The following ELMO2 variants were observed in gnomAD, a reference collection of about 807,000 sequenced individuals.
ELMO2 encodes the protein engulfment and cell motility protein 2.
ELMO2 carries 37 observed loss-of-function variants against 96.2 expected under a neutral mutation model. The ratio of observed to expected loss-of-function variants is 0.38; its 90% CI spans 0.30 to 0.51. The LOEUF (loss-of-function observed/expected upper bound fraction) is 0.51. ELMO2 is among the 20% of genes least tolerant of loss of function. The probability of loss-of-function intolerance (pLI) is 0.88; values close to 1 mark genes in which losing one functional copy is unlikely to be tolerated. For synonymous variants in ELMO2, 315 were observed against 329.4 expected (o/e 0.96, Z 0.47); for missense variants, 561 against 912.6 (o/e 0.61, Z 4.96).
At chr20:46,395,551 C>T (rs528595145) in intron 2 of ELMO2, among the ~76,000 whole-genome samples, 5 of 152,316 alleles carry the variant, frequency 3.3e-5, no homozygotes, top group African/African-American at 1.2e-4. Flanking sequence ...CCTCTCCTGG[C>T]GTACAAAGCA....
intron 1 of ELMO2, among the ~76,000 whole-genome samples, chr20:46,399,522 A>G (rs541587331): frequency 6.6e-6 from 1 of 152,268 alleles, no homozygotes; most frequent in East Asian, 1.9e-4. Flanking sequence ...TCCCTGGCAA[A>G]AGTAAATAGG....
intron 7 of ELMO2, among the ~76,000 whole-genome samples, chr20:46,388,440 G>A (rs147901761): frequency 5.9e-5 from 9 of 152,212 alleles, no homozygotes; most frequent in African/African-American, 1.9e-4. Context: ...TGCTCACAAG[G>A]CACAGCTGCC....
chr20:46,375,238 T>C lies in ELMO2; in HGVS notation c.1063A>G (p.Thr355Ala), dbSNP rs761620325. Residue 355 changes from threonine (T) to alanine (A), a missense_variant and splice_region_variant, in exon 13 of 22, where the codon ACC (threonine) becomes GCC (alanine). By Grantham distance (58) the Thr-to-Ala change is moderately conservative (BLOSUM62 0). Transcript: ENST00000290246. This position sits in a 1 kb window ranked among gnomAD's most constrained non-coding sequence, Gnocchi z 4.6. ...CGTCTATGCTCTGAGGTACTTACGG[T>C]AAATCCCAGCATTTTGTAGTCCTTT... ...YTKDYKMLGF[T>A]NHINPAMDFT... The C allele has an allele frequency of 6.8e-6, 11 of 1,613,808 alleles. No individual in the cohort carries two copies. The South Asian group carries it at 1.1e-4, about 16-fold the overall frequency.
rs1334168876 is a variant in ELMO2 at position 46,393,605 on chromosome 20, T to C, written c.120-4A>G. On this transcript the variant is annotated splice_polypyrimidine_tract_variant and splice_region_variant and intron_variant, in intron 4 of 21. Coordinates refer to ENST00000290246, the MANE Select transcript of ELMO2 (RefSeq NM_133171.5). ...CTCTGGGTTTGGCAACGACCACCTA[T>C]GCAAGAGAAAAACAGTATATCCCAC... The C allele has an allele frequency of 3.1e-6, 5 of 1,613,282 alleles. No homozygotes were observed. Among genetic ancestry groups the C allele is most frequent in the South Asian group, 1.1e-5 (1 of 91,054 alleles).
intron 2 of ELMO2, among the ~76,000 whole-genome samples, chr20:46,397,150 G>C (rs1244467035): frequency 1.3e-5 from 2 of 151,962 alleles, no homozygotes; most frequent in Non-Finnish European, 2.9e-5. Flanking sequence ...AATGATTCTC[G>C]GCTGTTCAAA....
intron 9 of ELMO2, 79 bp downstream of exon 9, chr20:46,386,045 T>A (rs1283256438): frequency 3.4e-6 from 5 of 1,474,040 alleles, no homozygotes; most frequent in Non-Finnish European, 4.6e-6. Context: ...CAAAGGAGAG[T>A]AGGATTGGAA....
At chr20:46,389,623 G>A (rs1459470376) in intron 6 of ELMO2, among the ~76,000 whole-genome samples, 1 of 152,154 alleles carries the variant, frequency 6.6e-6, no homozygotes, top group Non-Finnish European at 1.5e-5. Context: ...GGCCAAGGCA[G>A]GATTGCTTGA....
intron 2 of ELMO2, among the ~76,000 whole-genome samples, chr20:46,396,531 G>A (rs1482550999): frequency 1.3e-5 from 2 of 151,966 alleles, no homozygotes; most frequent in African/African-American, 2.4e-5. Context: ...TCCTCTTCCC[G>A]TCAATCCTTC....
chr20:46,378,493 G>A (rs1257321181), intron 11 of ELMO2, among the ~76,000 whole-genome samples: 4 of 152,236 alleles, frequency 2.6e-5, no homozygotes, highest in African/African-American at 9.6e-5. Context: ...AGGGTGACCA[G>A]GACAGCTGCT....
chr20:46,371,133 T>A lies in ELMO2; in HGVS notation c.1801+219A>T, dbSNP rs2067215037. ...CTTTCGACTTAGTCATGTACCACCC[T>A]TTACAGTCTACACAATACATTCACA... On this transcript the variant is annotated intron_variant, in intron 19 of 21. Transcript: ENST00000290246. This position sits in a 1 kb window ranked among gnomAD's most constrained non-coding sequence, Gnocchi z 5.9. 1.3e-5 allele frequency among the ~76,000 whole-genome samples: 2 copies of A among 152,152 alleles called. No individual in the cohort carries two copies. The highest frequency in any genetic ancestry group is 4.1e-4 in the South Asian group (2 of 4,826).
At chr20:46,383,086 C>A (rs1326253693) in intron 10 of ELMO2, among the ~76,000 whole-genome samples, 1 of 152,180 alleles carries the variant, frequency 6.6e-6, no homozygotes, top group East Asian at 1.9e-4. Flanking sequence ...TACCTACTGG[C>A]CGAGGCTGCT....
intron 1 of ELMO2, among the ~76,000 whole-genome samples, chr20:46,399,125 C>T (rs2060295071): frequency 6.6e-6 from 1 of 152,202 alleles, no homozygotes; most frequent in African/African-American, 2.4e-5. Flanking sequence ...ACCAGGTTGT[C>T]TGGTGTTGCT....
chr20:46,397,172 A>G (rs2060257976), intron 2 of ELMO2, among the ~76,000 whole-genome samples: 1 of 152,202 alleles, frequency 6.6e-6, no homozygotes, highest in Non-Finnish European at 1.5e-5. Flanking sequence ...ATTCGTATAC[A>G]TTTTAAAGCA....
At chr20:46,370,648 G>T in intron 19 of ELMO2, 123 bp from the exon 20 acceptor site, 1 of 868,470 alleles carries the variant, frequency 1.2e-6, no homozygotes, top group Non-Finnish European at 1.9e-6. Context: ...AACTCCAAGG[G>T]CTGCTGTATG....
chr20:46,384,870 G>A (rs956944892), intron 9 of ELMO2, among the ~76,000 whole-genome samples: 1 of 151,924 alleles, frequency 6.6e-6, no homozygotes, highest in Non-Finnish European at 1.5e-5. Flanking sequence ...GGGAGGCTGA[G>A]ATGGGGAGGA....
At chr20:46,392,893 A>T (rs925363998) in intron 6 of ELMO2, among the ~76,000 whole-genome samples, 200 bp downstream of exon 6, 1 of 152,230 alleles carries the variant, frequency 6.6e-6, no homozygotes, top group African/African-American at 2.4e-5. Context: ...CCCTTGAGAC[A>T]GGCCTTCTAT....
At chr20:46,380,883 T>C (rs1195440185) in intron 10 of ELMO2, among the ~76,000 whole-genome samples, 2 of 152,224 alleles carry the variant, frequency 1.3e-5, no homozygotes, top group Non-Finnish European at 2.9e-5. Context: ...GCTCACCTTT[T>C]TTATAATATT....
rs1466068417 is a variant in ELMO2, at chr20:46,369,959, GGGGTGTGTGTGTGTGTGTGTGT to G, written c.1884+462_1884+483del. 15 of 251,130 alleles carry G rather than the reference GGGGTGTGTGTGTGTGTGTGTGT, an allele frequency of 6.0e-5. No individual in the cohort carries two copies. The East Asian group carries it at 6.4e-4, about 11-fold the overall frequency. The allele number at this position is 251,130 out of a possible 1,614,324, so 15.6% of individuals were successfully genotyped here. A position where few individuals can be genotyped will look rare whatever the true frequency, so the allele number is the denominator to read the frequency against. On this transcript the variant is annotated intron_variant, in intron 20 of 21. Transcript: ENST00000290246. Reference sequence around the variant, plus strand: ...CTCTGGTTTAGACAAGATGGGTATGGGGGTGTGTGTGTGTGTGTGTGTGTGTGTGTGTGTGTGTGTGTGTGTA... The same window carrying G: ...CTCTGGTTTAGACAAGATGGGTATGGGTGTGTGTGTGTGTGTGTGTGTGTA...
In ELMO2 at chr20:46,389,052, T is replaced by C. The variant is rs1405320041; in HGVS notation, c.412A>G (p.Lys138Glu). The C allele has an allele frequency of 1.2e-6, 2 of 1,613,778 alleles. No homozygotes were observed. The highest frequency in any genetic ancestry group is 2.7e-5 in the African/African-American group (2 of 74,924). ...AGTCATACTCACTGGGACAAGAGCT[T>C]GGTTCCACTTTCCACGAGCCTTGTC... ...VLTRLVESGTKLLSHYSEMLA... is the reference protein window; with the variant it reads ...VLTRLVESGTELLSHYSEMLA... Residue 138 changes from lysine to glutamate, a missense_variant, in exon 7 of 22, where the codon AAG becomes GAG. Transcript: ENST00000290246.
Sources: gnomAD v4.1 joint callset for allele counts (sites outside exome capture counted in the v4.1 genomes callset) on GRCh38, gnomAD v4.1.1 for gene constraint, Gnocchi (gnomAD v3.1) non-coding constraint, MANE v1.5 for transcripts, NCBI Gene and HGNC (gene_info 2026-07-23, HGNC 2026-07-21) for gene names.